ABCB9: variants seen among roughly 807,000 people sequenced by gnomAD.
The protein encoded by ABCB9 is ABC-type oligopeptide transporter ABCB9.
ABCB9 carries 36 observed loss-of-function variants against 62.0 expected under a neutral mutation model. That is an observed-to-expected ratio of 0.58 (90% CI 0.45 to 0.77). ABCB9 has a LOEUF of 0.77. Ranked by LOEUF, ABCB9 falls within the 30% of genes least tolerant of loss-of-function variation. The probability of loss-of-function intolerance (pLI) is 0.00; values close to 1 mark genes in which losing one functional copy is unlikely to be tolerated. For missense variants in ABCB9, 943 were observed against 1,054.7 expected (o/e 0.89, Z 1.47); for synonymous variants, 435 against 461.4 (o/e 0.94, Z 0.73).
At chr12:122,919,175 A>G (rs979032187), downstream of ABCB9, among the ~76,000 whole-genome samples, 1 of 151,754 alleles carries the variant, frequency 6.6e-6, no homozygotes, top group Non-Finnish European at 1.5e-5. Flanking sequence ...TTTTGGCTTT[A>G]TTTTATTATT....
At chr12:122,935,039 T>C (rs2035386219) in intron 10 of ABCB9, among the ~76,000 whole-genome samples, 1 of 152,000 alleles carries the variant, frequency 6.6e-6, no homozygotes, top group Non-Finnish European at 1.5e-5. Flanking sequence ...ATTTACTTAA[T>C]AAATATTTTG....
intron 4 of ABCB9, chr12:122,949,043 C>T (rs905671711): frequency 1.6e-5 from 7 of 449,360 alleles, no homozygotes; most frequent in South Asian, 7.3e-5. Flanking sequence ...CATGACATCC[C>T]GCTGTACAGC....
At chr12:122,948,410 G>C (rs370414235) in intron 5 of ABCB9, 53 of 483,072 alleles carry the variant, frequency 1.1e-4, no homozygotes, top group East Asian at 8.3e-4. Context: ...GAAGGCAGGG[G>C]CCTTGTCTTT....
intron 4 of ABCB9, 73 bp downstream of exon 4, chr12:122,949,715 T>G: frequency 1.9e-6 from 3 of 1,584,144 alleles, no homozygotes; most frequent in Non-Finnish European, 2.6e-6. Context: ...GCCCATTTCA[T>G]TCCTCAGTGC....
intron 9 of ABCB9, among the ~76,000 whole-genome samples, chr12:122,936,039 C>T (rs747584436): frequency 3.3e-5 from 5 of 152,042 alleles, no homozygotes; most frequent in African/African-American, 4.8e-5. Context: ...GACCCCATAT[C>T]TACAAAATGA....
At chr12:122,943,488 G>A (rs918132571) in intron 7 of ABCB9, among the ~76,000 whole-genome samples, 3 of 152,160 alleles carry the variant, frequency 2.0e-5, no homozygotes, top group African/African-American at 7.2e-5. Flanking sequence ...CCGAGCAAAT[G>A]TGATGGACGA....
At chr12:122,943,124 G>C (rs1273602333) in intron 7 of ABCB9, among the ~76,000 whole-genome samples, 1 of 152,150 alleles carries the variant, frequency 6.6e-6, no homozygotes, top group Non-Finnish European at 1.5e-5. Context: ...CTTGAGCAAT[G>C]GCTGATGGCA....
chr12:122,959,602 T>C lies in ABCB9; in HGVS notation c.601+33A>G. ...GTCATATCCACCTAATTTGATGTTC[T>C]GGTGGCCACATGTCCCCGAGGTCCT... On this transcript the variant is annotated intron_variant, in intron 2 of 11. Coordinates refer to ENST00000280560, the MANE Select transcript of ABCB9 (RefSeq NM_019625.4). The surrounding 1 kb of genome is among the most constrained non-coding windows in gnomAD (Gnocchi z 5.4). 2 of 1,516,294 alleles carry C rather than the reference T, an allele frequency of 1.3e-6. No individual in the cohort carries two copies. The highest frequency in any genetic ancestry group is 1.8e-6 in the Non-Finnish European group (2 of 1,132,062). The allele number at this position is 1,516,294 out of a possible 1,614,324, so 93.9% of individuals were successfully genotyped here.
rs1023316752 is a variant in ABCB9 at position 122,972,193 on chromosome 12, A to C, written c.-88+2522T>G. On this transcript the variant is annotated intron_variant, in intron 1 of 11. Transcript: ENST00000392439. ...CCGAGCAGCTGGGACTACAGACGCC[A>C]GCCACCGCGCCCGGCTAATTTTTTG... 2.0e-5 allele frequency among the ~76,000 whole-genome samples: 3 copies of C among 150,942 alleles called. 1 individual carries two copies. Among genetic ancestry groups the C allele is most frequent in the Admixed American group, 6.6e-5 (1 of 15,170 alleles).
chr12:122,960,332 C>T lies in ABCB9; in HGVS notation c.-87-10G>A. On this transcript the variant is annotated splice_polypyrimidine_tract_variant and intron_variant, in intron 1 of 11. Transcript: ENST00000280560. ...CAGGGCGAGGCCAGGCCTGTAGGGA[C>T]AACAGCAAACATCAGCACAAGGGGT... is the stretch of plus-strand genomic sequence containing the variant. 1 of 1,464,848 alleles carries T rather than the reference C, an allele frequency of 6.8e-7. No individual in the cohort carries two copies. The highest frequency in any genetic ancestry group is 1.4e-5 in the South Asian group (1 of 72,534). 90.7% of individuals were successfully genotyped at this position (1,464,848 alleles called of 1,614,324 possible).
At chr12:122,938,455 A>T (rs1231757902) in intron 9 of ABCB9, among the ~76,000 whole-genome samples, 1 of 152,114 alleles carries the variant, frequency 6.6e-6, no homozygotes, top group African/African-American at 2.4e-5. Flanking sequence ...TGACTTGAGC[A>T]CAGGACTCTG....
chr12:122,948,054 T>C (rs1483501261), intron 5 of ABCB9: 1 of 152,624 alleles, frequency 6.6e-6, no homozygotes, highest in Non-Finnish European at 1.5e-5. Context: ...CACCTCAGCA[T>C]CCCAGGTAGC....
Position 122,935,253 on chromosome 12 carries a change from G to A in ABCB9, c.1903+19C>T, listed in dbSNP as rs2035399523. ...GTGACCCTGTGGGCCCAGGAGAGGG[G>A]CCACCCCCAGCTCCACACCTGTGCT... On this transcript the variant is annotated intron_variant, in intron 10 of 11. Coordinates refer to ENST00000280560, the MANE Select transcript of ABCB9 (RefSeq NM_019625.4). 2 of 1,590,140 alleles carry A rather than the reference G, an allele frequency of 1.3e-6. No individual in the cohort carries two copies. Among genetic ancestry groups the A allele is most frequent in the South Asian group, 1.1e-5 (1 of 88,204 alleles).
At chr12:122,941,259 G>T (rs1214140487) in intron 7 of ABCB9, among the ~76,000 whole-genome samples, 1 of 152,060 alleles carries the variant, frequency 6.6e-6, no homozygotes, top group African/African-American at 2.4e-5. Flanking sequence ...AACCGGCAGG[G>T]GTGTGGCACA....
At chr12:122,955,721 T>G (rs543946836) in intron 2 of ABCB9, among the ~76,000 whole-genome samples, 116 of 151,874 alleles carry the variant, frequency 7.6e-4, no homozygotes, top group Non-Finnish European at 1.4e-3. Context: ...TTTTGTTTTT[T>G]TTTTTTTTGA....
chr12:122,971,968 A>C (rs1435095686), intron 1 of ABCB9, among the ~76,000 whole-genome samples: 1 of 152,030 alleles, frequency 6.6e-6, no homozygotes, highest in Non-Finnish European at 1.5e-5. Flanking sequence ...AGTGGTTAAA[A>C]TGGTAAATTT....
chr12:122,937,890 C>T (rs2035540681), intron 9 of ABCB9, among the ~76,000 whole-genome samples: 2 of 152,212 alleles, frequency 1.3e-5, no homozygotes, highest in Non-Finnish European at 2.9e-5. Flanking sequence ...CTTAGGCCAG[C>T]ACAGGGACAG....
intron 11 of ABCB9, among the ~76,000 whole-genome samples, chr12:122,923,518 T>C (rs2034808464): frequency 6.6e-6 from 1 of 152,088 alleles, no homozygotes; most frequent in Non-Finnish European, 1.5e-5. Context: ...CTCCATCTCC[T>C]GACCTCGTGA....
chr12:122,932,351 C>T lies in ABCB9; in HGVS notation c.1904-23G>A, dbSNP rs1365680363. On this transcript the variant is annotated intron_variant, in intron 10 of 11. Transcript: ENST00000280560. The surrounding 1 kb of genome is among the most constrained non-coding windows in gnomAD (Gnocchi z 4.7). Reference sequence around the variant, plus strand: ...TCTCTGTATGGTGGAGGCACAGAGACAATTTAGCAATGGGTGAGGCCGGGC... The same window carrying T: ...TCTCTGTATGGTGGAGGCACAGAGATAATTTAGCAATGGGTGAGGCCGGGC... The T allele has an allele frequency of 5.2e-6, 8 of 1,540,530 alleles. No homozygotes were observed. The highest frequency in any genetic ancestry group is 6.1e-6 in the Non-Finnish European group (7 of 1,139,150).
Sources: gnomAD v4.1 joint callset for allele counts (sites outside exome capture counted in the v4.1 genomes callset) on GRCh38, gnomAD v4.1.1 for gene constraint, Gnocchi (gnomAD v3.1) non-coding constraint, MANE v1.5 for transcripts, NCBI Gene and HGNC (gene_info 2026-07-23, HGNC 2026-07-21) for gene names.